CCDC91: variants seen among roughly 807,000 people sequenced by gnomAD.
CCDC91 encodes coiled-coil domain containing 91.
A neutral mutation model predicts 63.2 loss-of-function variants in CCDC91; 48 were observed. That is an observed-to-expected ratio of 0.76 (90% CI 0.60 to 0.97). The LOEUF (loss-of-function observed/expected upper bound fraction) is 0.97. CCDC91 is among the 50% of genes least tolerant of loss of function. The pLI is 0.00. For missense variants in CCDC91, 500 were observed against 494.6 expected (o/e 1.01, Z -0.10); for synonymous variants, 167 against 165.8 (o/e 1.01, Z -0.06).
At chr12:28,251,082 TA>T (rs1030771250) in intron 1 of CCDC91, among the ~76,000 whole-genome samples, 2 of 151,966 alleles carry the variant, frequency 1.3e-5, no homozygotes, top group South Asian at 2.1e-4. Flanking sequence ...AACATGGCAT[TA>T]AACAGGATCA....
chr12:28,317,128 A>T (rs149336841), intron 6 of CCDC91, among the ~76,000 whole-genome samples: 1 of 151,986 alleles, frequency 6.6e-6, no homozygotes, highest in African/African-American at 2.4e-5. Context: ...ACAGATTCGG[A>T]TGCCATACAC....
chr12:28,395,218 T>C (rs1247051743), intron 8 of CCDC91, among the ~76,000 whole-genome samples: 1 of 152,198 alleles, frequency 6.6e-6, no homozygotes, highest in African/African-American at 2.4e-5. Flanking sequence ...CTGTTTCAAC[T>C]TACACTTTTG....
chr12:28,312,264 G>A (rs1939404181), intron 6 of CCDC91, among the ~76,000 whole-genome samples: 1 of 151,742 alleles, frequency 6.6e-6, no homozygotes, highest in Admixed American at 6.6e-5. Context: ...GAGGAAGGAT[G>A]CATAAAAATA....
rs145399675 is a variant in CCDC91 at position 28,271,268 on chromosome 12, G to A, written c.109+11826G>A. Reference sequence around the variant, plus strand: ...TAACTTTTGGCAATGTAGATACACTGTCAATTTTATATTTGTTTTCTGATT... The same window carrying A: ...TAACTTTTGGCAATGTAGATACACTATCAATTTTATATTTGTTTTCTGATT... On this transcript the variant is annotated intron_variant, in intron 3 of 12. Coordinates refer to ENST00000536442, the MANE Select transcript of CCDC91 (RefSeq NM_018318.5). 2.0e-5 allele frequency among the ~76,000 whole-genome samples: 3 copies of A among 152,112 alleles called. No homozygotes were observed. In the East Asian group the frequency reaches 5.8e-4, roughly 29 times the overall value.
chr12:28,238,096 GAT>G (rs1945084357), intron 1 of CCDC91, among the ~76,000 whole-genome samples: 1 of 152,026 alleles, frequency 6.6e-6, no homozygotes, highest in East Asian at 1.9e-4. Context: ...TATAAAGAAA[GAT>G]ATATTTGTAT....
chr12:28,240,589 GT>G (rs542334401), intron 1 of CCDC91, among the ~76,000 whole-genome samples: 5 of 151,586 alleles, frequency 3.3e-5, no homozygotes, highest in Non-Finnish European at 5.9e-5. Flanking sequence ...CACGTTTAAA[GT>G]TTTTTTTATA....
intron 1 of CCDC91, among the ~76,000 whole-genome samples, chr12:28,213,878 C>T (rs1943396403): frequency 6.6e-6 from 1 of 152,092 alleles, no homozygotes; most frequent in Non-Finnish European, 1.5e-5. Context: ...ATTATGGTGC[C>T]AGCTTGGTGG....
intron 11 of CCDC91, among the ~76,000 whole-genome samples, chr12:28,471,273 A>G (rs759359863): frequency 2.0e-5 from 3 of 152,192 alleles, no homozygotes; most frequent in Non-Finnish European, 2.9e-5. Context: ...AACCTATGAA[A>G]TTCCGCAAAA....
intron 8 of CCDC91, among the ~76,000 whole-genome samples, chr12:28,415,096 A>G (rs1166203687): frequency 2.6e-5 from 4 of 152,190 alleles, no homozygotes; most frequent in Non-Finnish European, 5.9e-5. Context: ...GGGCTAAGGT[A>G]TTCAAGTTAT....
In CCDC91 at chr12:28,273,321, G is replaced by A. The variant is rs569391633; in HGVS notation, c.109+13879G>A. 5.9e-5 allele frequency among the ~76,000 whole-genome samples: 9 copies of A among 152,262 alleles called. No homozygotes were observed. The South Asian group carries it at 1.9e-3, about 32-fold the overall frequency. ...ACATACGTGTGCACATGTCTTTATA[G>A]CAGCATGATTTATAATCCTTTGGGT... On this transcript the variant is annotated intron_variant, in intron 3 of 12. Transcript: ENST00000536442.
chr12:28,380,199 A>G (rs1240680968), intron 7 of CCDC91, among the ~76,000 whole-genome samples: 1 of 152,140 alleles, frequency 6.6e-6, no homozygotes, highest in East Asian at 1.9e-4. Context: ...GGGTAGGGAT[A>G]GCATTAGGAG....
chr12:28,417,427 C>T (rs1166286937), intron 8 of CCDC91, among the ~76,000 whole-genome samples: 1 of 152,042 alleles, frequency 6.6e-6, no homozygotes, highest in Admixed American at 6.6e-5. Flanking sequence ...ATCCCTGATA[C>T]TTGGCAGTGA....
At chr12:28,204,873 A>G (rs1942727132) in intron 1 of CCDC91, among the ~76,000 whole-genome samples, 1 of 152,230 alleles carries the variant, frequency 6.6e-6, no homozygotes, top group African/African-American at 2.4e-5. Flanking sequence ...AATTAAAGGA[A>G]TACTTATACG....
intron 1 of CCDC91, among the ~76,000 whole-genome samples, chr12:28,248,824 T>C (rs1945933719): frequency 6.6e-6 from 1 of 152,184 alleles, no homozygotes; most frequent in Non-Finnish European, 1.5e-5. Context: ...GCATGTTTCA[T>C]TGTTGATGAG....
intron 1 of CCDC91, among the ~76,000 whole-genome samples, chr12:28,194,454 A>T (rs11049432): frequency 0.28 from 41,835 of 151,908 alleles, 5,974 homozygotes; most frequent in Non-Finnish European, 0.31. Flanking sequence ...TTCCTCCAGA[A>T]GTTCAGATGT....
At chr12:28,254,925 C>T (rs778099968) in intron 1 of CCDC91, among the ~76,000 whole-genome samples, 4 of 152,114 alleles carry the variant, frequency 2.6e-5, no homozygotes, top group Non-Finnish European at 5.9e-5. Context: ...TCGTGTGCCA[C>T]CACACCTGGC....
chr12:28,429,711 A>G (rs1400192441), intron 8 of CCDC91, among the ~76,000 whole-genome samples: 1 of 152,138 alleles, frequency 6.6e-6, no homozygotes, highest in African/African-American at 2.4e-5. Context: ...CCTTAAATGC[A>G]TGTGTATTTT....
chr12:28,320,428 A>G (rs1940373308), intron 6 of CCDC91, among the ~76,000 whole-genome samples: 1 of 151,870 alleles, frequency 6.6e-6, no homozygotes, highest in Non-Finnish European at 1.5e-5. Flanking sequence ...AAATAGGAAA[A>G]CATGGACTTA....
At chr12:28,428,294 C>A (rs932553492) in intron 8 of CCDC91, among the ~76,000 whole-genome samples, 1 of 151,602 alleles carries the variant, frequency 6.6e-6, no homozygotes, top group Non-Finnish European at 1.5e-5. Context: ...TTTTTGGCCA[C>A]GCGTAGTGGC....
Sources: gnomAD v4.1 joint callset for allele counts (sites outside exome capture counted in the v4.1 genomes callset) on GRCh38, gnomAD v4.1.1 for gene constraint, MANE v1.5 for transcripts, NCBI Gene and HGNC (gene_info 2026-07-23, HGNC 2026-07-21) for gene names.